The following ANGPT1 variants were observed in gnomAD, a reference collection of about 807,000 sequenced individuals.
The protein encoded by ANGPT1 is angiopoietin-1.
In ANGPT1, 17 loss-of-function variants were observed where a neutral mutation model predicts 62.2. The ratio of observed to expected loss-of-function variants is 0.27; its 90% CI spans 0.19 to 0.41. ANGPT1 has a LOEUF of 0.41. Ranked by LOEUF, ANGPT1 falls within the 10% of genes least tolerant of loss-of-function variation. ANGPT1 has a pLI of 1.00. For synonymous variants in ANGPT1, 199 were observed against 198.9 expected (o/e 1.00, Z 0.00); for missense variants, 478 against 594.9 (o/e 0.80, Z 2.04).
At chr8:107,475,432 A>C (rs965861626) in intron 1 of ANGPT1, among the ~76,000 whole-genome samples, 1 of 152,198 alleles carries the variant, frequency 6.6e-6, no homozygotes, top group Admixed American at 6.5e-5. Context: ...TACAAAAATT[A>C]ATTCAAGATG....
intron 3 of ANGPT1, among the ~76,000 whole-genome samples, chr8:107,327,651 C>T (rs1476042693): frequency 6.6e-6 from 1 of 152,038 alleles, no homozygotes; most frequent in Non-Finnish European, 1.5e-5. Context: ...AAACCATGCA[C>T]CTAAATCTAT....
chr8:107,388,463 A>G (rs2130296008), intron 1 of ANGPT1, among the ~76,000 whole-genome samples: 1 of 152,146 alleles, frequency 6.6e-6, no homozygotes, highest in East Asian at 1.9e-4. Context: ...AAAACAAAAT[A>G]TCCTAGTCAA....
intron 1 of ANGPT1, among the ~76,000 whole-genome samples, chr8:107,370,341 A>AGAAAGAAAGAAAGAAAGAAAGAAAG (rs1220688876): frequency 2.1e-3 from 3 of 1,404 alleles, no homozygotes; most frequent in Non-Finnish European, 4.5e-3. Flanking sequence ...AAAGAAAGAA[A>AGAAAGAAAGAAAGAAAGAAAGAAAG]AAGAAAGAAA....
intron 5 of ANGPT1, among the ~76,000 whole-genome samples, chr8:107,299,571 T>G (rs182291222): frequency 7.6e-6 from 1 of 131,812 alleles, no homozygotes; most frequent in Non-Finnish European, 1.6e-5. Context: ...TATAGATATA[T>G]ATAGCATATA....
At chr8:107,446,021 G>T (rs1006820819) in intron 1 of ANGPT1, among the ~76,000 whole-genome samples, 2 of 152,136 alleles carry the variant, frequency 1.3e-5, no homozygotes, top group Non-Finnish European at 2.9e-5. Flanking sequence ...GGGGTCAAGC[G>T]ATTCTTCTGC....
At chr8:107,473,425 A>G (rs1812416397) in intron 1 of ANGPT1, among the ~76,000 whole-genome samples, 1 of 152,020 alleles carries the variant, frequency 6.6e-6, no homozygotes, top group African/African-American at 2.4e-5. Context: ...TAATGACCCA[A>G]TTGAAAACAC....
chr8:107,479,784 T>C (rs1812627778), intron 1 of ANGPT1, among the ~76,000 whole-genome samples: 1 of 152,160 alleles, frequency 6.6e-6, no homozygotes, highest in Admixed American at 6.6e-5. Context: ...ATAAACTATA[T>C]AGCACTTCAA....
chr8:107,452,046 G>A (rs905959027), intron 1 of ANGPT1, among the ~76,000 whole-genome samples: 1 of 151,702 alleles, frequency 6.6e-6, no homozygotes, highest in Non-Finnish European at 1.5e-5. Flanking sequence ...GTGTACATGT[G>A]TATGTGTGTG....
rs76696179 is a variant in ANGPT1 at position 107,469,118 on chromosome 8, T to C, written c.297+28144A>G. Among the ~76,000 whole-genome samples the C allele has an allele frequency of 5.4e-3, 827 of 152,184 alleles. 7 individuals are homozygous for C. The highest frequency in any genetic ancestry group is 0.019 in the African/African-American group (783 of 41,560). ...TTTGTTTGCAAATATTTATAGTGTC[T>C]ACCATGTGTCATAGGTGCTAGTGGC... On this transcript the variant is annotated intron_variant, in intron 1 of 8. Coordinates refer to ENST00000517746, the MANE Select transcript of ANGPT1 (RefSeq NM_001146.5).
intron 1 of ANGPT1, among the ~76,000 whole-genome samples, chr8:107,378,058 G>A (rs1816563743): frequency 6.6e-6 from 1 of 152,166 alleles, no homozygotes; most frequent in African/African-American, 2.4e-5. Flanking sequence ...AATTGAAATA[G>A]CCAATCTGTA....
At chr8:107,391,763 C>G (rs1816840290) in intron 1 of ANGPT1, among the ~76,000 whole-genome samples, 1 of 152,186 alleles carries the variant, frequency 6.6e-6, no homozygotes, top group East Asian at 1.9e-4. Context: ...GTATAGTCCA[C>G]TGAACCTAGG....
At chr8:107,275,058 A>T (rs970158582) in intron 7 of ANGPT1, among the ~76,000 whole-genome samples, 1 of 152,132 alleles carries the variant, frequency 6.6e-6, no homozygotes, top group Non-Finnish European at 1.5e-5. Flanking sequence ...AAATCCAATT[A>T]GGCAAAGTGA....
rs71308729 is a variant in ANGPT1, at chr8:107,370,700, C to CAAA, written c.298-23606_298-23604dup. Among the ~76,000 whole-genome samples, 367 of 75,438 alleles carry CAAA rather than the reference C, an allele frequency of 4.9e-3. 1 individual carries two copies. Among genetic ancestry groups the CAAA allele is most frequent in the Non-Finnish European group, 5.4e-3 (222 of 41,380 alleles). 49.5% of individuals were successfully genotyped at this position (75,438 alleles called of 152,430 possible). A position where few individuals can be genotyped will look rare whatever the true frequency, so the allele number is the denominator to read the frequency against. ...CCTGGGTGACAGAGCAAGACTCTGT[C>CAAA]AAAAAAAAAAAAAAAAAAAAAAGAG... On this transcript the variant is annotated intron_variant, in intron 1 of 8. Coordinates refer to ENST00000517746, the MANE Select transcript of ANGPT1 (RefSeq NM_001146.5).
intron 1 of ANGPT1, among the ~76,000 whole-genome samples, chr8:107,406,608 T>C (rs1234727980): frequency 6.6e-6 from 1 of 152,026 alleles, no homozygotes; most frequent in Admixed American, 6.6e-5. Context: ...GTATGTAGTC[T>C]TTCGAGTCTC....
intron 6 of ANGPT1, among the ~76,000 whole-genome samples, chr8:107,290,157 G>T (rs1814239076): frequency 6.6e-6 from 1 of 152,002 alleles, no homozygotes; most frequent in African/African-American, 2.4e-5. Flanking sequence ...ATTGACAGAG[G>T]TTTAAAAATA....
At chr8:107,304,046 C>T (rs950860820) in intron 4 of ANGPT1, among the ~76,000 whole-genome samples, 1 of 151,682 alleles carries the variant, frequency 6.6e-6, no homozygotes, top group East Asian at 1.9e-4. Context: ...TTCTTTAATG[C>T]CCTAAAGTTA....
At chr8:107,433,170 T>G (rs1250404271) in intron 1 of ANGPT1, among the ~76,000 whole-genome samples, 1 of 152,206 alleles carries the variant, frequency 6.6e-6, no homozygotes, top group Non-Finnish European at 1.5e-5. Context: ...TTGGGCTGGT[T>G]GTTTTTTTCA....
intron 4 of ANGPT1, among the ~76,000 whole-genome samples, chr8:107,304,008 A>G (rs1814656773): frequency 6.6e-6 from 1 of 151,908 alleles, no homozygotes; most frequent in South Asian, 2.1e-4. Flanking sequence ...ACCTACAATG[A>G]AAATGAAACC....
intron 1 of ANGPT1, among the ~76,000 whole-genome samples, chr8:107,401,357 T>A (rs1817045126): frequency 6.6e-6 from 1 of 152,178 alleles, no homozygotes; most frequent in African/African-American, 2.4e-5. Flanking sequence ...ATACAACTTC[T>A]TTTCTCTGTT....
Sources: gnomAD v4.1 joint callset for allele counts (sites outside exome capture counted in the v4.1 genomes callset) on GRCh38, gnomAD v4.1.1 for gene constraint, MANE v1.5 for transcripts, NCBI Gene and HGNC (gene_info 2026-07-23, HGNC 2026-07-21) for gene names.